Variants in ATP7A observed in about 807,000 individuals in gnomAD.
The protein encoded by ATP7A is copper-transporting ATPase 1.
A neutral mutation model predicts 83.5 loss-of-function variants in ATP7A; 7 were observed. The ratio of observed to expected loss-of-function variants is 0.08; its 90% CI spans 0.05 to 0.16. The LOEUF is 0.16. Ranked by LOEUF, ATP7A falls within the 10% of genes least tolerant of loss-of-function variation. ATP7A has a pLI of 1.00. For missense variants in ATP7A, 940 were observed against 1,120.8 expected, an observed-to-expected ratio of 0.84 and a Z score of 2.30; for synonymous variants, 354 against 395.2, an observed-to-expected ratio of 0.90 and a Z score of 1.24.
intron 13 of ATP7A, 119 bp from the exon 14 acceptor site, chrX:78,020,826 C>T: frequency 1.2e-6 from 1 of 843,226 alleles, no homozygotes; most frequent in Non-Finnish European, 1.7e-6. Context: ...TGGCCATTAA[C>T]ATGAAGTTTG....
At chrX:78,005,767 A>G (rs782776695) in intron 6 of ATP7A, among the ~76,000 whole-genome samples, 220 of 110,208 alleles carry the variant, frequency 2.0e-3, no homozygotes, top group Non-Finnish European at 3.7e-3. Flanking sequence ...AATATGATAC[A>G]AAACCAATAA....
At chrX:77,973,809 A>T (rs576242175) in intron 2 of ATP7A, among the ~76,000 whole-genome samples, 48 of 112,107 alleles carry the variant, frequency 4.3e-4, no homozygotes, top group African/African-American at 1.5e-3. Context: ...GACAGAAGTA[A>T]CATCTTACCA....
At chrX:77,944,529 T>C (rs1315047982) in intron 1 of ATP7A, among the ~76,000 whole-genome samples, 1 of 110,699 alleles carries the variant, frequency 9.0e-6, no homozygotes, top group Admixed American at 9.7e-5. Flanking sequence ...CTCGAACTCC[T>C]GGGCTCAGGT....
chrX:77,983,475 A>G (rs979982521), intron 2 of ATP7A, among the ~76,000 whole-genome samples: 1 of 111,929 alleles, frequency 8.9e-6, no homozygotes, highest in Non-Finnish European at 1.9e-5. Context: ...ATTTCAAGAG[A>G]CACAGAACAC....
intron 5 of ATP7A, among the ~76,000 whole-genome samples, chrX:78,001,506 T>G (rs1421990027): frequency 2.7e-5 from 3 of 111,822 alleles, no homozygotes; most frequent in Non-Finnish European, 5.6e-5. Context: ...AAATTATGAT[T>G]GACTATAGTC....
intron 2 of ATP7A, 42 bp downstream of exon 2, chrX:77,971,803 A>G: frequency 8.4e-7 from 1 of 1,192,293 alleles, no homozygotes; most frequent in Non-Finnish European, 1.1e-6. Flanking sequence ...GCCATTGAAG[A>G]GAATTCTACT....
chrX:78,011,737 A>G, intron 9 of ATP7A, 63 bp downstream of exon 9: 1 of 1,056,003 alleles, frequency 9.5e-7, no homozygotes, highest in South Asian at 1.9e-5. Flanking sequence ...TTGGCAGGCA[A>G]GGTTTATTTT....
chrX:77,925,508 T>G (rs1444734872), intron 1 of ATP7A, among the ~76,000 whole-genome samples: 1 of 111,279 alleles, frequency 9.0e-6, no homozygotes, highest in African/African-American at 3.3e-5. Context: ...TTCATCTCTG[T>G]GGGAGTCACT....
Position 78,046,657 on chromosome X carries a change from A to AAGGATTTT in ATP7A, c.*88_*95dup. Reference sequence around the variant, plus strand: ...ACCTTCACTTTTCAAAATATTGTAGAAGGATTTTTCTCATGCTCTTATATT... The same window carrying AAGGATTTT: ...ACCTTCACTTTTCAAAATATTGTAGAAGGATTTTAGGATTTTTCTCATGCTCTTATATT... On this transcript the variant is annotated 3_prime_UTR_variant, in exon 23 of 23. Coordinates refer to ENST00000341514, the MANE Select transcript of ATP7A (RefSeq NM_000052.7). The AAGGATTTT allele has an allele frequency of 8.9e-7, 1 of 1,122,497 alleles. No homozygotes were observed. Among genetic ancestry groups the AAGGATTTT allele is most frequent in the South Asian group, 1.8e-5 (1 of 54,327 alleles). 92.5% of individuals were successfully genotyped at this position (1,122,497 alleles called of 1,213,427 possible).
At chrX:78,031,030 A>G (rs2077980471) in intron 15 of ATP7A, among the ~76,000 whole-genome samples, 2 of 110,820 alleles carry the variant, frequency 1.8e-5, no homozygotes, top group South Asian at 7.5e-4. Context: ...TACTGCTTAG[A>G]TTTCCTCATC....
chrX:78,008,374 C>A lies in ATP7A; in HGVS notation c.1708-728C>A, dbSNP rs2077791993. Reference sequence around the variant, plus strand: ...CACGCAGTCATTCTAGAAGTCATGCCCATCCATTTTATAATTTAACGCCCA... The same window carrying A: ...CACGCAGTCATTCTAGAAGTCATGCACATCCATTTTATAATTTAACGCCCA... On this transcript the variant is annotated intron_variant, in intron 6 of 22. Coordinates refer to ENST00000341514, the MANE Select transcript of ATP7A (RefSeq NM_000052.7). Among the ~76,000 whole-genome samples the A allele has an allele frequency of 2.7e-5, 3 of 111,473 alleles. 1 individual carries two copies. In the South Asian group the frequency reaches 1.1e-3, roughly 42 times the overall value.
At chrX:77,992,788 A>AT (rs1557232213) in intron 4 of ATP7A, among the ~76,000 whole-genome samples, 1 of 110,657 alleles carries the variant, frequency 9.0e-6, no homozygotes, top group Non-Finnish European at 1.9e-5. Context: ...ATTTTTTTGT[A>AT]TTTTTAGTAG....
rs1037747889 is a variant in ATP7A at position 77,991,255 on chromosome X, T to A, written c.1336+1297T>A. Reference sequence around the variant, plus strand: ...CCCTCCCCAAGCTCCTGATAACAACTGTTCTACTTTCTGTCTCTGAATTTG... The same window carrying A: ...CCCTCCCCAAGCTCCTGATAACAACAGTTCTACTTTCTGTCTCTGAATTTG... On this transcript the variant is annotated intron_variant, in intron 4 of 22. Coordinates refer to ENST00000341514, the MANE Select transcript of ATP7A (RefSeq NM_000052.7). Among the ~76,000 whole-genome samples, 4 of 111,953 alleles carry A rather than the reference T, an allele frequency of 3.6e-5. No individual in the cohort carries two copies. In the East Asian group the frequency reaches 1.1e-3, roughly 31 times the overall value.
chrX:77,990,630 G>A (rs1465144413), intron 4 of ATP7A, among the ~76,000 whole-genome samples: 3 of 111,982 alleles, frequency 2.7e-5, no homozygotes, highest in Non-Finnish European at 5.6e-5. Flanking sequence ...CTCCAGAGCT[G>A]TCCCAAAGTT....
chrX:78,011,196 T>C lies in ATP7A; in HGVS notation c.1890T>C (p.Ser630=), dbSNP rs1557234404. 1 of 1,210,733 alleles carries C rather than the reference T, an allele frequency of 8.3e-7. No individual in the cohort carries two copies. Among genetic ancestry groups the C allele is most frequent in the Non-Finnish European group, 1.1e-6 (1 of 894,619 alleles). ...CTTAGAGCTTAGGTTTTGAAGCTTC[T>C]TTGGTCAAGAAGGATCGGTCAGCAA... is the stretch of plus-strand genomic sequence containing the variant. ...HTIESLGFEA[S]LVKKDRSASH... The change falls in exon 8 of 23, where the codon TCT becomes TCC. Residue 630 remains serine (S), a synonymous_variant. Coordinates refer to ENST00000341514, the MANE Select transcript of ATP7A (RefSeq NM_000052.7).
intron 1 of ATP7A, among the ~76,000 whole-genome samples, chrX:77,971,041 C>A (rs782144893): frequency 8.9e-6 from 1 of 111,778 alleles, no homozygotes; most frequent in Admixed American, 9.5e-5. Context: ...AAGAAGTTAG[C>A]CAAGCAGTTA....
chrX:78,044,158 G>A (rs782641693), intron 21 of ATP7A, among the ~76,000 whole-genome samples: 1 of 105,285 alleles, frequency 9.5e-6, no homozygotes, highest in East Asian at 3.1e-4. Context: ...GGAGACGGAG[G>A]CAGTAGACTC....
rs183055627 is a variant in ATP7A at position 77,942,627 on chromosome X, T to C, written c.-21-28994T>C. On this transcript the variant is annotated intron_variant, in intron 1 of 22. Coordinates refer to ENST00000341514, the MANE Select transcript of ATP7A (RefSeq NM_000052.7). ...TGACTGGCTAATTTTTTTTATTTTTTGTAGAGACGAGGGTCTCATTTTGTT... is the reference window on the plus strand; with the variant it reads ...TGACTGGCTAATTTTTTTTATTTTTCGTAGAGACGAGGGTCTCATTTTGTT... 1.4e-3 allele frequency among the ~76,000 whole-genome samples: 150 copies of C among 110,147 alleles called. 1 individual carries two copies. In the South Asian group the frequency reaches 0.03, roughly 22 times the overall value.
chrX:78,043,290 T>C (rs1430270560), intron 20 of ATP7A, 27 bp from the exon 21 acceptor site: 22 of 1,078,275 alleles, frequency 2.0e-5, no homozygotes, highest in Non-Finnish European at 2.4e-5. Context: ...AGTCTCTTAC[T>C]AATATCACAA....
Sources: allele counts gnomAD v4.1 joint callset (sites outside exome capture counted in the v4.1 genomes callset), GRCh38; gene constraint gnomAD v4.1.1; transcripts MANE v1.5; gene names NCBI Gene and HGNC (gene_info 2026-07-23, HGNC 2026-07-21).